RP1: variants seen among roughly 807,000 people sequenced by gnomAD.
RP1 encodes the protein oxygen-regulated protein 1.
Under a neutral mutation model 14.8 loss-of-function variants are expected in RP1, and 16 were observed. That is an observed-to-expected ratio of 1.08 (90% CI 0.73 to 1.65). The LOEUF (loss-of-function observed/expected upper bound fraction) is 1.65. Among genes scored for constraint, RP1 ranks in the 40% most tolerant of loss-of-function variants. The probability of loss-of-function intolerance (pLI) is 0.00; values close to 1 mark genes in which losing one functional copy is unlikely to be tolerated. For missense variants in RP1, 2,631 were observed against 2,535.0 expected (o/e 1.04, Z -0.81); for synonymous variants, 876 against 883.6 (o/e 0.99, Z 0.15).
chr8:54,678,566 A>G, intron 9 of RP1: 1 of 1,513,784 alleles, frequency 6.6e-7, no homozygotes, highest in Non-Finnish European at 8.8e-7. Flanking sequence ...CATCGAAAAA[A>G]TCCATTTCAT....
chr8:54,767,124 A>T (rs1809779321), intron 22 of RP1, among the ~76,000 whole-genome samples: 1 of 152,220 alleles, frequency 6.6e-6, no homozygotes, highest in Admixed American at 6.5e-5. Flanking sequence ...AACTGTGTAC[A>T]AGGCACTGTG....
intron 1 of RP1, among the ~76,000 whole-genome samples, chr8:54,616,812 ACT>A (rs915623661): frequency 2.6e-5 from 4 of 152,192 alleles, no homozygotes; most frequent in Non-Finnish European, 5.9e-5. Context: ...GACGCATGTA[ACT>A]CTGTCATGTT....
intron 15 of RP1, among the ~76,000 whole-genome samples, chr8:54,713,407 G>GA (rs952585740): frequency 1.1e-4 from 16 of 151,932 alleles, no homozygotes; most frequent in African/African-American, 2.4e-4. Flanking sequence ...GAATACAAAG[G>GA]AAAAAAAGAT....
At chr8:54,575,156 T>C (rs2129294434) in intron 1 of RP1, among the ~76,000 whole-genome samples, 1 of 152,174 alleles carries the variant, frequency 6.6e-6, no homozygotes, top group East Asian at 1.9e-4. Flanking sequence ...AAGCAGAGGG[T>C]GGATACTGTG....
intron 1 of RP1, among the ~76,000 whole-genome samples, chr8:54,565,145 A>C (rs1189895843): frequency 6.6e-6 from 1 of 152,148 alleles, no homozygotes; most frequent in African/African-American, 2.4e-5. Context: ...GCAGAGACAG[A>C]GAGTTTCTGT....
At chr8:54,730,043 A>G (rs561104711) in intron 17 of RP1, among the ~76,000 whole-genome samples, 4 of 151,994 alleles carry the variant, frequency 2.6e-5, no homozygotes, top group Admixed American at 6.6e-5. Flanking sequence ...TTCGTTCATC[A>G]TAGATTGAGG....
intron 24 of RP1, among the ~76,000 whole-genome samples, chr8:54,827,925 T>G (rs911906022): frequency 6.6e-6 from 1 of 152,152 alleles, no homozygotes; most frequent in Admixed American, 6.5e-5. Context: ...ATTATTTTTT[T>G]CTACTTTTTA....
intron 1 of RP1, among the ~76,000 whole-genome samples, chr8:54,566,507 C>T (rs189730474): frequency 2.0e-5 from 3 of 152,314 alleles, no homozygotes; most frequent in Admixed American, 2.0e-4. Context: ...CCCGCCCCTC[C>T]CATTTCCTTC....
At chr8:54,634,790 A>G (rs1563335099), downstream of RP1, among the ~76,000 whole-genome samples, 1 of 152,098 alleles carries the variant, frequency 6.6e-6, no homozygotes, top group Non-Finnish European at 1.5e-5. Flanking sequence ...TTTAGATGTA[A>G]TATACAATGG....
In RP1 at chr8:54,625,102, A is replaced by C; in HGVS notation, c.1220A>C (p.Glu407Ala). 6.2e-7 allele frequency: 1 copy of C among 1,614,160 alleles called. No individual in the cohort carries two copies. The highest frequency in any genetic ancestry group is 8.5e-7 in the Non-Finnish European group (1 of 1,180,042). Reference protein sequence around the residue: ...SSNQEGSLAEEINIQMTDQVA... With the variant: ...SSNQEGSLAEAINIQMTDQVA... ...AATCAAGAGGGCAGTTTGGCAGAGG[A>C]GATAAACATTCAAATGACAGATCAA... The change falls in exon 4 of 4, where the codon GAG (glutamate) becomes GCG (alanine). Residue 407 changes from glutamate (E) to alanine (A), a missense_variant. Transcript: ENST00000220676.
chr8:54,606,550 T>C (rs2129307618), intron 1 of RP1, among the ~76,000 whole-genome samples: 1 of 152,306 alleles, frequency 6.6e-6, no homozygotes, highest in East Asian at 1.9e-4. Flanking sequence ...GGAGTATCTT[T>C]GTGGTGTTCT....
At chr8:54,652,964 T>G (rs1295115985) in intron 5 of RP1, 1 of 768,096 alleles carries the variant, frequency 1.3e-6, no homozygotes, top group Admixed American at 2.2e-5. Context: ...GATAGAGTCC[T>G]GTACCTTTTT....
In RP1 at chr8:54,706,422, G is replaced by A. The variant is rs143757187; in HGVS notation, c.1999-21G>A. 4.6e-5 allele frequency: 71 copies of A among 1,534,996 alleles called. No homozygotes were observed. The African/African-American group carries it at 7.8e-4, about 17-fold the overall frequency. On this transcript the variant is annotated intron_variant, in intron 14 of 22. Coordinates refer to the RP1 transcript ENST00000636932. ...CGAGCCCGTTACTGACTGCCTTTCT[G>A]TTCTGTTTGTTGCTCTGAAGGGGGT...
chr8:54,770,870 T>G (rs1809882705), downstream of RP1, among the ~76,000 whole-genome samples: 1 of 151,948 alleles, frequency 6.6e-6, no homozygotes, highest in South Asian at 2.1e-4. Context: ...CAAATCAATC[T>G]GCAATTATAG....
intron 24 of RP1, among the ~76,000 whole-genome samples, chr8:54,805,876 C>T (rs958487748): frequency 2.0e-5 from 3 of 152,208 alleles, no homozygotes; most frequent in Admixed American, 1.3e-4. Context: ...TTCCCAGCAG[C>T]CTTCAGGATA....
chr8:54,708,330 C>T (rs1417454098), intron 15 of RP1, among the ~76,000 whole-genome samples: 1 of 151,080 alleles, frequency 6.6e-6, no homozygotes, highest in African/African-American at 2.4e-5. Flanking sequence ...CTGCCTCATA[C>T]TCTAGCTGAA....
intron 3 of RP1, among the ~76,000 whole-genome samples, chr8:54,645,880 T>C (rs1342839486): frequency 1.3e-5 from 2 of 152,154 alleles, no homozygotes; most frequent in Non-Finnish European, 2.9e-5. Context: ...AAATTTTCTA[T>C]TTGTTTTGTG....
At chr8:54,710,793 A>C (rs1808277816) in intron 15 of RP1, among the ~76,000 whole-genome samples, 1 of 152,084 alleles carries the variant, frequency 6.6e-6, no homozygotes, top group African/African-American at 2.4e-5. Context: ...TATCCTCTCT[A>C]CCGACTGAGT....
At chr8:54,632,839 G>A (rs116586672), downstream of RP1, among the ~76,000 whole-genome samples, 659 of 152,234 alleles carry the variant, frequency 4.3e-3, 2 homozygotes, top group African/African-American at 0.015. Context: ...AACTTTAGAG[G>A]AAATTTAAGG....
Sources: gnomAD v4.1 joint callset for allele counts (sites outside exome capture counted in the v4.1 genomes callset) on GRCh38, gnomAD v4.1.1 for gene constraint, MANE v1.5 for transcripts, NCBI Gene and HGNC (gene_info 2026-07-23, HGNC 2026-07-21) for gene names.